CLVS1: variants seen among roughly 807,000 people sequenced by gnomAD.
CLVS1 encodes clavesin-1.
A neutral mutation model predicts 33.1 loss-of-function variants in CLVS1; 10 were observed. The ratio of observed to expected loss-of-function variants is 0.30; its 90% confidence interval spans 0.19 to 0.51. The LOEUF (loss-of-function observed/expected upper bound fraction) is 0.51, where lower values mean the gene tolerates loss of function less well. Among genes scored for constraint, CLVS1 ranks in the 20% least tolerant of loss-of-function variants. CLVS1 has a pLI of 0.97. For missense variants in CLVS1, 343 were observed against 433.4 expected (o/e 0.79, Z 1.85); for synonymous variants, 163 against 166.1 (o/e 0.98, Z 0.14).
At chr8:61,072,055 G>C (rs890055728) in intron 1 of CLVS1, among the ~76,000 whole-genome samples, 1 of 152,188 alleles carries the variant, frequency 6.6e-6, no homozygotes, top group African/African-American at 2.4e-5. Context: ...GCTTAGATGC[G>C]GGTGAATGGC....
intron 5 of CLVS1, among the ~76,000 whole-genome samples, chr8:61,487,196 G>A (rs1259399977): frequency 1.3e-5 from 2 of 152,202 alleles, no homozygotes; most frequent in Non-Finnish European, 2.9e-5. Context: ...GCCCTAGAGT[G>A]TAGTCGTTTC....
At chr8:61,274,590 C>CA (rs1409615057) in intron 2 of CLVS1, among the ~76,000 whole-genome samples, 3 of 152,144 alleles carry the variant, frequency 2.0e-5, no homozygotes, top group African/African-American at 7.2e-5. Context: ...ATGTTTTCAT[C>CA]AAATCAGGAA....
chr8:61,291,093 A>G (rs1417364256), intron 1 of CLVS1, among the ~76,000 whole-genome samples: 1 of 152,230 alleles, frequency 6.6e-6, no homozygotes, highest in Non-Finnish European at 1.5e-5. Flanking sequence ...CCCCTGCCCC[A>G]TAAAAAGCTT....
chr8:61,022,781 G>A, the CLVS1 span, among the ~76,000 whole-genome samples: 1 of 152,218 alleles, frequency 6.6e-6, no homozygotes, highest in Non-Finnish European at 1.5e-5. Context: ...GAAAACAATA[G>A]AGAGTGGTAC....
chr8:61,107,571 CT>C (rs1397316537), intron 1 of CLVS1, among the ~76,000 whole-genome samples: 1 of 152,220 alleles, frequency 6.6e-6, no homozygotes, highest in Non-Finnish European at 1.5e-5. Context: ...AAAATGCCTA[CT>C]TCTTAATACC....
In CLVS1 at chr8:61,278,519, T is replaced by A. The variant is rs56874378; in HGVS notation, c.-151-21158T>A. Among the ~76,000 whole-genome samples, 902 of 152,330 alleles carry A rather than the reference T, an allele frequency of 5.9e-3. 8 individuals carry two copies. Among genetic ancestry groups the A allele is most frequent in the African/African-American group, 0.02 (848 of 41,574 alleles). On this transcript the variant is annotated intron_variant, in intron 2 of 2. Coordinates refer to the CLVS1 transcript ENST00000522621. ...TCAAAGCAGATATTCAAAATTTTTC[T>A]GATGTTATAACTTGGAGGTGTTGGA...
At chr8:61,179,806 G>A (rs1185698997) in intron 2 of CLVS1, among the ~76,000 whole-genome samples, 14 of 152,002 alleles carry the variant, frequency 9.2e-5, no homozygotes. Flanking sequence ...AGAACAAAGA[G>A]GCAATATACC....
chr8:61,422,324 A>G (rs538833774), intron 3 of CLVS1, among the ~76,000 whole-genome samples: 46 of 152,292 alleles, frequency 3.0e-4, no homozygotes, highest in African/African-American at 9.4e-4. Context: ...AGTCCTCTCT[A>G]GTTCCTGATG....
intron 1 of CLVS1, among the ~76,000 whole-genome samples, chr8:61,104,641 G>GA (rs1038250314): frequency 6.6e-6 from 1 of 151,920 alleles, no homozygotes; most frequent in African/African-American, 2.4e-5. Flanking sequence ...TTTTTTGAAG[G>GA]AAAAATCAAG....
chr8:61,026,617 C>T, the CLVS1 span, among the ~76,000 whole-genome samples: 1 of 152,182 alleles, frequency 6.6e-6, no homozygotes, highest in African/African-American at 2.4e-5. Context: ...CTGAATCCTC[C>T]GCAAACCATA....
the CLVS1 span, among the ~76,000 whole-genome samples, chr8:61,044,803 TATGC>T: frequency 6.6e-6 from 1 of 152,136 alleles, no homozygotes; most frequent in African/African-American, 2.4e-5. Context: ...TAGGTAAGAA[TATGC>T]ATGGGTTCTG....
chr8:61,108,552 G>T lies in CLVS1; in HGVS notation c.-242-23218G>T, dbSNP rs149215941. On this transcript the variant is annotated intron_variant, in intron 1 of 2. Coordinates refer to the CLVS1 transcript ENST00000522621. ...ACTACACTTGGAAGGAAGGATGAAA[G>T]AGACATATATTATTATGTAATACTT... Among the ~76,000 whole-genome samples the T allele has an allele frequency of 1.8e-4, 28 of 152,310 alleles. 1 individual carries two copies. In the East Asian group the frequency reaches 4.6e-3, roughly 25 times the overall value.
At chr8:61,137,146 T>C (rs1415279301) in intron 2 of CLVS1, among the ~76,000 whole-genome samples, 2 of 152,318 alleles carry the variant, frequency 1.3e-5, no homozygotes, top group African/African-American at 2.4e-5. Context: ...TAGAAGACAT[T>C]TAATGGGGTG....
At chr8:61,002,536 G>A in the CLVS1 span, among the ~76,000 whole-genome samples, 1 of 151,766 alleles carries the variant, frequency 6.6e-6, no homozygotes, top group African/African-American at 2.4e-5. Flanking sequence ...GTTTCACCAT[G>A]TTGGCCAGGC....
intron 2 of CLVS1, among the ~76,000 whole-genome samples, chr8:61,328,436 A>G (rs1357678132): frequency 3.9e-5 from 6 of 152,114 alleles, no homozygotes; most frequent in Non-Finnish European, 8.8e-5. Context: ...CAGGATTTAC[A>G]TGGGCCAGCT....
At chr8:61,254,335 G>C (rs1446190179) in intron 2 of CLVS1, among the ~76,000 whole-genome samples, 2 of 152,174 alleles carry the variant, frequency 1.3e-5, no homozygotes, top group Non-Finnish European at 2.9e-5. Context: ...CCCCTACTGG[G>C]GGGTGCCTCC....
At chr8:61,022,768 G>A in the CLVS1 span, among the ~76,000 whole-genome samples, 5 of 152,268 alleles carry the variant, frequency 3.3e-5, no homozygotes, top group East Asian at 1.9e-4. Flanking sequence ...AATCAGTTAC[G>A]CTGAAAACAA....
At chr8:61,158,838 T>A (rs574251765) in intron 2 of CLVS1, among the ~76,000 whole-genome samples, 2 of 152,096 alleles carry the variant, frequency 1.3e-5, no homozygotes, top group African/African-American at 4.8e-5. Context: ...GTAGATCTTT[T>A]AAATTTTTAA....
intron 2 of CLVS1, among the ~76,000 whole-genome samples, chr8:61,188,891 A>C (rs1181612569): frequency 6.6e-6 from 1 of 152,132 alleles, no homozygotes; most frequent in Non-Finnish European, 1.5e-5. Context: ...TTTAAAAAAT[A>C]ATTATTAAGA....
Sources: gnomAD v4.1 joint callset for allele counts (sites outside exome capture counted in the v4.1 genomes callset) on GRCh38, gnomAD v4.1.1 for gene constraint, MANE v1.5 for transcripts, NCBI Gene and HGNC (gene_info 2026-07-23, HGNC 2026-07-21) for gene names.